Variants in GRIN2B observed in about 807,000 individuals in gnomAD.
GRIN2B encodes glutamate receptor ionotropic, NMDA 2B.
A neutral mutation model predicts 114.5 loss-of-function variants in GRIN2B; 5 were observed. That is an observed-to-expected ratio of 0.04 (90% CI 0.02 to 0.09). The LOEUF (loss-of-function observed/expected upper bound fraction) is 0.09. GRIN2B is among the 10% of genes least tolerant of loss of function. The pLI, the probability that GRIN2B is intolerant of heterozygous loss-of-function variation, is 1.00. For missense variants in GRIN2B, 1,108 were observed against 1,943.5 expected (o/e 0.57, Z 8.08); for synonymous variants, 787 against 745.1 (o/e 1.06, Z -0.92).
chr12:13,919,268 T>G (rs900912248), intron 2 of GRIN2B, among the ~76,000 whole-genome samples: 1 of 152,206 alleles, frequency 6.6e-6, no homozygotes, highest in Non-Finnish European at 1.5e-5. Flanking sequence ...AGTTTATACT[T>G]TATGGTTCTA....
chr12:13,696,226 T>C (rs1037073996), intron 4 of GRIN2B, among the ~76,000 whole-genome samples: 9 of 152,260 alleles, frequency 5.9e-5, no homozygotes, highest in Non-Finnish European at 8.8e-5. Flanking sequence ...TGAGCTAGTA[T>C]GAGTATACAG....
chr12:13,561,734 G>C lies in GRIN2B; in HGVS notation c.*1049C>G, dbSNP rs1291209585. On this transcript the variant is annotated 3_prime_UTR_variant, in exon 14 of 14. Coordinates refer to ENST00000609686, the MANE Select transcript of GRIN2B (RefSeq NM_000834.5). Reference sequence around the variant, plus strand: ...GGTTTCCCTTTAGCCTTCCTGGAAAGTTCTTGGTTCAAACTGGTTGAAACA... The same window carrying C: ...GGTTTCCCTTTAGCCTTCCTGGAAACTTCTTGGTTCAAACTGGTTGAAACA... 6.6e-6 allele frequency: 1 copy of C among 152,630 alleles called. No homozygotes were observed. The highest frequency in any genetic ancestry group is 2.4e-5 in the African/African-American group (1 of 41,444). 9.5% of individuals were successfully genotyped at this position (152,630 alleles called of 1,614,324 possible).
chr12:13,692,211 G>A (rs1226984364), intron 4 of GRIN2B, among the ~76,000 whole-genome samples: 1 of 152,098 alleles, frequency 6.6e-6, no homozygotes, highest in Non-Finnish European at 1.5e-5. Flanking sequence ...TAACAAAGTT[G>A]ATGAAAACAT....
chr12:13,892,046 T>C (rs1866271056), intron 2 of GRIN2B, among the ~76,000 whole-genome samples: 1 of 152,240 alleles, frequency 6.6e-6, no homozygotes, highest in African/African-American at 2.4e-5. Flanking sequence ...GACATGTCAT[T>C]TGATCCTCAT....
rs1036659040 is a variant in GRIN2B at position 13,555,556 on chromosome 12, A to C, written c.*7227T>G. 1.3e-5 allele frequency: 2 copies of C among 152,106 alleles called. No homozygotes were observed. Among genetic ancestry groups the C allele is most frequent in the African/African-American group, 2.4e-5 (1 of 41,416 alleles). The allele number at this position is 152,106 out of a possible 1,614,324, so 9.4% of individuals were successfully genotyped here. On this transcript the variant is annotated 3_prime_UTR_variant, in exon 14 of 14. Transcript: ENST00000609686. ...AAGGAATTAAAGATGCAAAAGAGAGAAATACAATTGGCTGGAGAGCACCTC... is the reference window on the plus strand; with the variant it reads ...AAGGAATTAAAGATGCAAAAGAGAGCAATACAATTGGCTGGAGAGCACCTC...
At chr12:13,616,702 A>G (rs757095694) in intron 5 of GRIN2B, 45 bp from the exon 6 acceptor site, 2 of 1,434,864 alleles carry the variant, frequency 1.4e-6, no homozygotes, top group South Asian at 1.1e-5. Context: ...TGGCCACAAC[A>G]TAACAAACAG....
chr12:13,903,948 G>C (rs182996187), intron 2 of GRIN2B, among the ~76,000 whole-genome samples: 1 of 151,998 alleles, frequency 6.6e-6, no homozygotes, highest in Non-Finnish European at 1.5e-5. Context: ...TGACCAATCT[G>C]TCTGAAGTCT....
At chr12:13,803,601 C>T (rs1864552877) in intron 3 of GRIN2B, among the ~76,000 whole-genome samples, 1 of 152,088 alleles carries the variant, frequency 6.6e-6, no homozygotes, top group African/African-American at 2.4e-5. Context: ...AGAAGTTTTC[C>T]ATATAAATCA....
At position 13,558,434 on chromosome 12, in the gene GRIN2B, T is replaced by TTCTA. The variant is rs1321373363; in HGVS notation, c.*4345_*4348dup. 2 of 151,132 alleles carry TTCTA rather than the reference T, an allele frequency of 1.3e-5. No homozygotes were observed. Among genetic ancestry groups the TTCTA allele is most frequent in the Non-Finnish European group, 2.9e-5 (2 of 67,950 alleles). The allele number at this position is 151,132 out of a possible 1,614,324, so 9.4% of individuals were successfully genotyped here. On this transcript the variant is annotated 3_prime_UTR_variant, in exon 14 of 14. Transcript: ENST00000609686. Reference sequence around the variant, plus strand: ...GCTTATTGCCCAAACAATCTGGTTATTCTATCTGTAAATCTTGAACTAACT... The same window carrying TTCTA: ...GCTTATTGCCCAAACAATCTGGTTATTCTATCTATCTGTAAATCTTGAACTAACT...
In GRIN2B at chr12:13,560,117, T is replaced by G. The variant is rs1948523173; in HGVS notation, c.*2666A>C. 1 of 152,106 alleles carries G rather than the reference T, an allele frequency of 6.6e-6. No individual in the cohort carries two copies. Among genetic ancestry groups the G allele is most frequent in the African/African-American group, 2.4e-5 (1 of 41,408 alleles). The allele number at this position is 152,106 out of a possible 1,614,324, so 9.4% of individuals were successfully genotyped here. A position where few individuals can be genotyped will look rare whatever the true frequency, so the allele number is the denominator to read the frequency against. On this transcript the variant is annotated 3_prime_UTR_variant, in exon 14 of 14. Transcript: ENST00000609686. ...ACCCTATGTAAAACCCTGGCCAAAG[T>G]GCATGAACATTTCTCACAAACCAGT... is the stretch of plus-strand genomic sequence containing the variant.
chr12:13,934,941 G>C (rs1331621750), intron 2 of GRIN2B, among the ~76,000 whole-genome samples: 2 of 152,152 alleles, frequency 1.3e-5, no homozygotes, highest in East Asian at 3.9e-4. Flanking sequence ...TAAAAAATCC[G>C]ATCACAATCA....
At chr12:13,897,847 G>A (rs1866378075) in intron 2 of GRIN2B, among the ~76,000 whole-genome samples, 1 of 151,846 alleles carries the variant, frequency 6.6e-6, no homozygotes, top group Non-Finnish European at 1.5e-5. Flanking sequence ...CATAATAATT[G>A]AATGACTCAA....
intron 3 of GRIN2B, among the ~76,000 whole-genome samples, chr12:13,838,304 T>G (rs1202556005): frequency 6.6e-6 from 1 of 152,138 alleles, no homozygotes; most frequent in Admixed American, 6.5e-5. Context: ...TTAAAGCCCC[T>G]GATATTCCCT....
chr12:13,690,111 A>G (rs1366576383), intron 4 of GRIN2B, among the ~76,000 whole-genome samples: 1 of 152,150 alleles, frequency 6.6e-6, no homozygotes, highest in African/African-American at 2.4e-5. Context: ...TTAAAGGTAA[A>G]AATCAAATCT....
chr12:13,687,241 TATC>T (rs1454594061), intron 4 of GRIN2B, among the ~76,000 whole-genome samples: 1 of 152,250 alleles, frequency 6.6e-6, no homozygotes, highest in Non-Finnish European at 1.5e-5. Context: ...GCCTTTGCTG[TATC>T]ATCATTCTCC....
chr12:13,571,940 G>T lies in GRIN2B; in HGVS notation c.2035C>A (p.Pro679Thr). 2 of 1,614,002 alleles carry T rather than the reference G, an allele frequency of 1.2e-6. No homozygotes were observed. The highest frequency in any genetic ancestry group is 1.7e-6 in the Non-Finnish European group (2 of 1,179,894). Reference sequence around the variant, plus strand: ...GGCACGGTCCCAAAGCGGAAAGGGGGTGAGAAGTCATTAGGTCTCTGGAAC... The same window carrying T: ...GGCACGGTCCCAAAGCGGAAAGGGGTTGAGAAGTCATTAGGTCTCTGGAAC... ...KKFQRPNDFS[P>T]PFRFGTVPNG... Residue 679 changes from proline to threonine, a missense_variant, in exon 11 of 14, where the codon CCC becomes ACC. This residue lies in a region of GRIN2B where 10 missense variants were observed against 17.4 expected (regional missense o/e 0.57). Transcript: ENST00000609686.
intron 5 of GRIN2B, among the ~76,000 whole-genome samples, chr12:13,662,330 A>T (rs1282878855): frequency 6.6e-6 from 1 of 152,154 alleles, no homozygotes; most frequent in African/African-American, 2.4e-5. Flanking sequence ...TAGGCAGAGG[A>T]CTTGTGGACA....
At chr12:13,665,755 G>T (rs1481236897) in intron 5 of GRIN2B, among the ~76,000 whole-genome samples, 1 of 152,138 alleles carries the variant, frequency 6.6e-6, no homozygotes, top group East Asian at 1.9e-4. Flanking sequence ...ATAAAAGTCA[G>T]ATGTATTCAT....
intron 8 of GRIN2B, among the ~76,000 whole-genome samples, chr12:13,613,366 A>G (rs957079147): frequency 6.6e-6 from 1 of 152,184 alleles, no homozygotes; most frequent in Non-Finnish European, 1.5e-5. Context: ...CACATACTAT[A>G]TATATAATCC....
Sources: allele counts gnomAD v4.1 joint callset (sites outside exome capture counted in the v4.1 genomes callset), GRCh38; gene constraint gnomAD v4.1.1; regional missense constraint gnomAD v4.1.1; transcripts MANE v1.5; gene names NCBI Gene and HGNC (gene_info 2026-07-23, HGNC 2026-07-21).